Variants in TEDC1 observed in about 807,000 individuals in gnomAD.
The protein encoded by TEDC1 is tubulin epsilon and delta complex protein 1.
In TEDC1, 54 loss-of-function variants were observed where a neutral mutation model predicts 59.9. The observed-to-expected ratio is 0.90, with a 90% CI of 0.72 to 1.13. The LOEUF is 1.13. TEDC1 is among the 50% of genes most tolerant of loss of function. TEDC1 has a pLI of 0.00. For synonymous variants in TEDC1, 353 were observed against 298.1 expected (o/e 1.18, Z -1.90); for missense variants, 734 against 683.4 (o/e 1.07, Z -0.83).
chr14:105,493,008 C>T (rs191737470), intron 4 of TEDC1, among the ~76,000 whole-genome samples: 7 of 152,266 alleles, frequency 4.6e-5, no homozygotes, highest in Non-Finnish European at 7.4e-5. Context: ...CAAAAGTTAC[C>T]AGTGGACTTC....
intron 5 of TEDC1, chr14:105,495,586 C>G: frequency 2.9e-6 from 1 of 346,802 alleles, no homozygotes; most frequent in Admixed American, 4.5e-5. Context: ...CCCACCCAGT[C>G]AGCCTGCACT....
chr14:105,493,990 G>A (rs1189298577), intron 5 of TEDC1, 57 bp downstream of exon 5: 3 of 714,380 alleles, frequency 4.2e-6, no homozygotes, highest in East Asian at 4.1e-5. Context: ...GCACAGCAGG[G>A]GGACTGCCCA....
chr14:105,496,389 G>A, intron 6 of TEDC1: 1 of 392,786 alleles, frequency 2.5e-6, no homozygotes, highest in Non-Finnish European at 4.7e-6. Flanking sequence ...CTGACCGCAG[G>A]CCTGCCTGCC....
At chr14:105,498,513 C>A (rs911125525) in intron 8 of TEDC1, 104 bp from the exon 9 acceptor site, 2 of 1,268,548 alleles carry the variant, frequency 1.6e-6, no homozygotes. Context: ...GCGTTTCCCG[C>A]ATGCCTGCAG....
At chr14:105,492,775 G>A (rs1324289710) in intron 4 of TEDC1, 41 bp downstream of exon 4, 12 of 1,526,952 alleles carry the variant, frequency 7.9e-6, no homozygotes, top group East Asian at 2.5e-5. Flanking sequence ...GCTGTGTCCC[G>A]TGCTGCAGGC....
At chr14:105,497,112 G>A (rs1041675961) in intron 6 of TEDC1, 25 of 580,974 alleles carry the variant, frequency 4.3e-5, no homozygotes, top group Admixed American at 6.4e-5. Flanking sequence ...GGGCCTGGCC[G>A]TGCACTGGTT....
upstream of TEDC1, chr14:105,490,714 G>C: frequency 2.7e-6 from 1 of 369,056 alleles, no homozygotes; most frequent in South Asian, 2.3e-5. Flanking sequence ...GCCGCGCTGG[G>C]GTCTGCGCTG....
upstream of TEDC1, chr14:105,490,846 G>C: frequency 4.5e-6 from 3 of 667,938 alleles, no homozygotes; most frequent in Non-Finnish European, 7.9e-6. Flanking sequence ...GAGTCTGCGC[G>C]CTCCCGCCCG....
At chr14:105,497,319 C>T (rs587675774) in intron 6 of TEDC1, 38 bp from the exon 7 acceptor site, 80 of 1,537,902 alleles carry the variant, frequency 5.2e-5, no homozygotes, top group South Asian at 4.2e-4. Context: ...CATGGGGTCC[C>T]GTGTGAGGTT....
At position 105,492,116 on chromosome 14, in the gene TEDC1, C is replaced by G. The variant is rs587618908; in HGVS notation, c.236C>G (p.Ala79Gly). ...ALASLALEVQ[A>G]RLVKSALCSQ... ...TGGTCTTCTGTCCTAGAGGTCCAAG[C>G]CCGCTTGGTGAAGTCAGCACTATGC... is the stretch of plus-strand genomic sequence containing the variant. Residue 79 changes from alanine to glycine, a missense_variant, in exon 3 of 9, where the codon GCC (alanine) becomes GGC (glycine). Transcript: ENST00000392523. The G allele has an allele frequency of 1.2e-6, 2 of 1,605,662 alleles. No individual in the cohort carries two copies. The highest frequency in any genetic ancestry group is 8.5e-7 in the Non-Finnish European group (1 of 1,176,600).
intron 6 of TEDC1, chr14:105,496,349 C>A (rs782676727): frequency 2.0e-6 from 1 of 504,552 alleles, no homozygotes; most frequent in Non-Finnish European, 3.6e-6. Flanking sequence ...GCTCCCACAC[C>A]GCCCACAGAC....
chr14:105,494,077 T>C (rs2141795327), intron 5 of TEDC1, 144 bp downstream of exon 5: 1 of 665,500 alleles, frequency 1.5e-6, no homozygotes. Flanking sequence ...CCACTGATCA[T>C]TGCCAGCCTG....
chr14:105,498,504 C>A, intron 8 of TEDC1, 113 bp from the exon 9 acceptor site: 2 of 1,154,778 alleles, frequency 1.7e-6, no homozygotes, highest in Non-Finnish European at 2.4e-6. Context: ...AGAGCATGGG[C>A]GTTTCCCGCA....
At position 105,497,644 on chromosome 14, in the gene TEDC1, A is replaced by G. The variant is rs746152410; in HGVS notation, c.979-154A>G. ...CCCGCCCTCAGCTCCATGGCCTTCTAGAGTGTGGCCTTTGTGCCTCCCTGG... is the reference window on the plus strand; with the variant it reads ...CCCGCCCTCAGCTCCATGGCCTTCTGGAGTGTGGCCTTTGTGCCTCCCTGG... On this transcript the variant is annotated intron_variant, in intron 7 of 8. Coordinates refer to ENST00000392523, the MANE Select transcript of TEDC1 (RefSeq NM_001367178.1). 165 of 1,154,374 alleles carry G rather than the reference A, an allele frequency of 1.4e-4. 1 individual carries two copies. Among genetic ancestry groups the G allele is most frequent in the Non-Finnish European group, 1.8e-4 (151 of 839,764 alleles). 71.5% of individuals were successfully genotyped at this position (1,154,374 alleles called of 1,614,324 possible).
At chr14:105,498,595 A>T (rs1338118815) in intron 8 of TEDC1, 22 bp from the exon 9 acceptor site, 1 of 1,515,494 alleles carries the variant, frequency 6.6e-7, no homozygotes, top group East Asian at 2.5e-5. Context: ...GGACAGAGCC[A>T]TTGCCATTGT....
intron 7 of TEDC1, 87 bp downstream of exon 7, chr14:105,497,530 C>T (rs1205534968): frequency 2.1e-6 from 3 of 1,459,106 alleles, no homozygotes; most frequent in Non-Finnish European, 2.8e-6. Flanking sequence ...GTTTTCCAGA[C>T]AGGAAGAGGG....
Position 105,492,397 on chromosome 14 carries a change from C to T in TEDC1, c.429+88C>T, listed in dbSNP as rs186092145. ...GCAGGCCTGGGTCAGCCCCCTCTGT[C>T]TGCTTTGCTCCTCAGGGCAGTCCCA... is the stretch of plus-strand genomic sequence containing the variant. On this transcript the variant is annotated intron_variant, in intron 3 of 8. Transcript: ENST00000392523. 5 of 1,549,778 alleles carry T rather than the reference C, an allele frequency of 3.2e-6. No individual in the cohort carries two copies. In the East Asian group the frequency reaches 6.8e-5, roughly 21 times the overall value.
chr14:105,499,031 GGCC>G lies in TEDC1; in HGVS notation c.*88_*90del. 7.1e-7 allele frequency: 1 copy of G among 1,405,384 alleles called. No individual in the cohort carries two copies. Among genetic ancestry groups the G allele is most frequent in the Non-Finnish European group, 9.5e-7 (1 of 1,051,774 alleles). 87.1% of individuals were successfully genotyped at this position (1,405,384 alleles called of 1,614,324 possible). ...GGAGGAGCAGATTCCAAGGCCAGGT[GGCC>G]GCAGGGACGATGCAGATGCAGAGCC... is the stretch of plus-strand genomic sequence containing the variant. On this transcript the variant is annotated 3_prime_UTR_variant, in exon 9 of 9. Transcript: ENST00000392523.
chr14:105,490,203 G>A (rs1282278745), upstream of TEDC1: 1 of 152,052 alleles, frequency 6.6e-6, no homozygotes, highest in Non-Finnish European at 1.5e-5. Context: ...CCGCCTGGAA[G>A]AGGAGGTCGG....
Sources: allele counts gnomAD v4.1 joint callset (sites outside exome capture counted in the v4.1 genomes callset), GRCh38; gene constraint gnomAD v4.1.1; transcripts MANE v1.5; gene names NCBI Gene and HGNC (gene_info 2026-07-23, HGNC 2026-07-21).